Variants in PCDH15 observed in about 807,000 individuals in gnomAD.
PCDH15 encodes the protein protocadherin-15.
In PCDH15, 129 loss-of-function variants were observed where a neutral mutation model predicts 178.5. The ratio of observed to expected loss-of-function variants is 0.72; its 90% confidence interval spans 0.63 to 0.84. The LOEUF (loss-of-function observed/expected upper bound fraction) is 0.84, where lower values mean the gene tolerates loss of function less well. Ranked by LOEUF, PCDH15 falls within the 40% of genes least tolerant of loss-of-function variation. PCDH15 has a pLI of 0.00. For synonymous variants in PCDH15, 800 were observed against 732.0 expected (o/e 1.09, Z -1.50); for missense variants, 2,230 against 2,099.9 (o/e 1.06, Z -1.21).
At chr10:54,200,978 G>T (rs376932521) in intron 10 of PCDH15, among the ~76,000 whole-genome samples, 22 of 152,118 alleles carry the variant, frequency 1.4e-4, no homozygotes, top group African/African-American at 5.3e-4. Flanking sequence ...GTAACACTGC[G>T]TAAGTATCTA....
chr10:54,784,013 G>A (rs898776757), intron 1 of PCDH15, among the ~76,000 whole-genome samples: 4 of 144,716 alleles, frequency 2.8e-5, no homozygotes, highest in East Asian at 2.1e-4. Context: ...TTCACACGGC[G>A]GCAGGAAGGA....
chr10:54,566,602 G>A (rs2089071168), intron 2 of PCDH15, among the ~76,000 whole-genome samples: 1 of 151,984 alleles, frequency 6.6e-6, no homozygotes, highest in Non-Finnish European at 1.5e-5. Flanking sequence ...ATACAGCCTT[G>A]TCATATTGCC....
intron 21 of PCDH15, among the ~76,000 whole-genome samples, chr10:53,978,925 C>A (rs1290069570): frequency 1.3e-5 from 2 of 152,136 alleles, no homozygotes; most frequent in African/African-American, 4.8e-5. Context: ...TTGTCCATAT[C>A]ACTTTCAGCA....
intron 1 of PCDH15, among the ~76,000 whole-genome samples, chr10:55,307,369 G>T (rs1003000007): frequency 6.6e-6 from 1 of 151,810 alleles, no homozygotes; most frequent in Non-Finnish European, 1.5e-5. Context: ...CGGGCATGGT[G>T]GCAGGCGCCT....
At chr10:55,040,987 T>C (rs938392209) in intron 2 of PCDH15, among the ~76,000 whole-genome samples, 3 of 152,098 alleles carry the variant, frequency 2.0e-5, no homozygotes, top group Non-Finnish European at 2.9e-5. Context: ...TCCTTGATTA[T>C]ATTTATTAGC....
At chr10:54,447,044 T>C (rs1399893539) in intron 3 of PCDH15, among the ~76,000 whole-genome samples, 1 of 151,676 alleles carries the variant, frequency 6.6e-6, no homozygotes, top group East Asian at 1.9e-4. Flanking sequence ...CAAACAAACC[T>C]CTCTGCTTTC....
chr10:54,066,642 C>T (rs1405884259), intron 18 of PCDH15, 115 bp downstream of exon 18: 1 of 1,010,646 alleles, frequency 9.9e-7, no homozygotes, highest in Admixed American at 2.0e-5. Flanking sequence ...TGAAGAATAT[C>T]CAGCACAGTC....
chr10:53,995,457 C>T, intron 21 of PCDH15, 192 bp downstream of exon 21: 2 of 957,338 alleles, frequency 2.1e-6, no homozygotes, highest in Non-Finnish European at 3.1e-6. Flanking sequence ...TATTCTTTGT[C>T]TAGGTTCAAT....
intron 1 of PCDH15, among the ~76,000 whole-genome samples, chr10:54,783,882 C>A (rs946280103): frequency 2.0e-5 from 3 of 152,066 alleles, no homozygotes; most frequent in African/African-American, 7.2e-5. Context: ...CTATAAAGAA[C>A]TGCCCAAGAC....
intron 16 of PCDH15, among the ~76,000 whole-genome samples, chr10:54,089,583 A>G (rs2094566981): frequency 6.6e-6 from 1 of 152,106 alleles, no homozygotes; most frequent in African/African-American, 2.4e-5. Context: ...TCTTAAATAT[A>G]CCTATGTTAA....
intron 1 of PCDH15, among the ~76,000 whole-genome samples, chr10:54,798,278 A>T (rs2133673570): frequency 6.6e-6 from 1 of 152,024 alleles, no homozygotes; most frequent in Non-Finnish European, 1.5e-5. Context: ...GTCATATTTG[A>T]GTCTGAAACT....
intron 23 of PCDH15, among the ~76,000 whole-genome samples, chr10:53,953,176 G>A (rs151159717): frequency 1.3e-3 from 192 of 152,340 alleles, no homozygotes; most frequent in African/African-American, 4.2e-3. Context: ...CAGACAGGTC[G>A]CTGTTGTCAT....
intron 15 of PCDH15, among the ~76,000 whole-genome samples, chr10:54,118,573 T>C (rs2095157513): frequency 6.6e-6 from 1 of 152,000 alleles, no homozygotes; most frequent in Admixed American, 6.6e-5. Context: ...GTCAGGAGAA[T>C]GGCATGAACC....
At chr10:55,413,376 A>AATAAG (rs1453192667) in intron 2 of PCDH15, among the ~76,000 whole-genome samples, 1,878 of 151,726 alleles carry the variant, frequency 0.012, 48 homozygotes, top group African/African-American at 0.043. Flanking sequence ...TTTTAAATAA[A>AATAAG]ATGTTTAGCA....
chr10:55,448,652 GTTTC>G (rs1414532067), intron 2 of PCDH15, among the ~76,000 whole-genome samples: 1 of 151,880 alleles, frequency 6.6e-6, no homozygotes, highest in Non-Finnish European at 1.5e-5. Context: ...TATATCCTCA[GTTTC>G]TGTCTGATGC....
intron 2 of PCDH15, among the ~76,000 whole-genome samples, chr10:55,330,637 T>C (rs898102526): frequency 1.3e-5 from 2 of 152,024 alleles, no homozygotes; most frequent in African/African-American, 4.8e-5. Flanking sequence ...GTTTACAATT[T>C]TCACTGAGAA....
upstream of PCDH15, among the ~76,000 whole-genome samples, chr10:54,805,040 T>C (rs1001633335): frequency 2.0e-5 from 3 of 148,112 alleles, no homozygotes; most frequent in Non-Finnish European, 4.5e-5. Context: ...CAAATGTATA[T>C]ATTAACTAAA....
intron 2 of PCDH15, among the ~76,000 whole-genome samples, chr10:54,545,872 G>C (rs973144883): frequency 6.6e-6 from 1 of 152,148 alleles, no homozygotes; most frequent in Non-Finnish European, 1.5e-5. Context: ...ACTTAAAACT[G>C]CACTTGCCAG....
chr10:54,358,169 T>C (rs1945351675), intron 5 of PCDH15, among the ~76,000 whole-genome samples: 1 of 147,320 alleles, frequency 6.8e-6, no homozygotes, highest in African/African-American at 2.6e-5. Context: ...ACAAATGGGA[T>C]CTAATTAAAC....
Sources: gnomAD v4.1 joint callset for allele counts (sites outside exome capture counted in the v4.1 genomes callset) on GRCh38, gnomAD v4.1.1 for gene constraint, MANE v1.5 for transcripts, NCBI Gene and HGNC (gene_info 2026-07-23, HGNC 2026-07-21) for gene names.